The following EML4 variants were observed in gnomAD, a reference collection of about 807,000 sequenced individuals.
The protein encoded by EML4 is EMAP like 4, also known as echinoderm microtubule-associated protein-like 4.
In EML4, 72 loss-of-function variants were observed where a neutral mutation model predicts 129.0. The ratio of observed to expected loss-of-function variants is 0.56; its 90% confidence interval spans 0.46 to 0.68. The LOEUF is 0.68. Ranked by LOEUF, EML4 falls within the 30% of genes least tolerant of loss-of-function variation. The pLI, the probability that EML4 is intolerant of heterozygous loss-of-function variation, is 0.00. For synonymous variants in EML4, 532 were observed against 405.0 expected (o/e 1.31, Z -3.77); for missense variants, 1,363 against 1,190.6 (o/e 1.14, Z -2.13).
chr2:42,248,862 A>T (rs1675584727), intron 2 of EML4, among the ~76,000 whole-genome samples: 1 of 152,192 alleles, frequency 6.6e-6, no homozygotes. Context: ...TATTTCATAG[A>T]TGAGCATAAT....
At chr2:42,323,468 A>C (rs1262136542) in intron 19 of EML4, among the ~76,000 whole-genome samples, 1 of 152,224 alleles carries the variant, frequency 6.6e-6, no homozygotes, top group Non-Finnish European at 1.5e-5. Context: ...CATATAATTT[A>C]AATTGGTTTA....
chr2:42,320,248 G>A (rs116728567), intron 19 of EML4, among the ~76,000 whole-genome samples: 2,538 of 151,992 alleles, frequency 0.017, 33 homozygotes, highest in Non-Finnish European at 0.027. Flanking sequence ...CAGCACTTTG[G>A]GAGGCCAAGA....
intron 2 of EML4, among the ~76,000 whole-genome samples, chr2:42,249,042 A>C (rs1458459150): frequency 6.6e-6 from 1 of 152,174 alleles, no homozygotes; most frequent in African/African-American, 2.4e-5. Flanking sequence ...CGTTGAAAGC[A>C]ATTGGAATTT....
chr2:42,224,578 G>C (rs1332457269), intron 1 of EML4, among the ~76,000 whole-genome samples: 9 of 152,008 alleles, frequency 5.9e-5, no homozygotes, highest in Non-Finnish European at 1.5e-5. Flanking sequence ...TAGGAGTGGC[G>C]TTGCTGGATT....
chr2:42,171,115 T>C (rs1250050333), intron 1 of EML4, among the ~76,000 whole-genome samples: 1 of 152,238 alleles, frequency 6.6e-6, no homozygotes, highest in African/African-American at 2.4e-5. Context: ...AATTCCTTAC[T>C]TAGGTTGGGC....
rs1441922416 is a variant in EML4 at position 42,304,482 on chromosome 2, A to G, written c.1900-2A>G. The G allele has an allele frequency of 6.2e-7, 1 of 1,613,700 alleles. No individual in the cohort carries two copies. The highest frequency in any genetic ancestry group is 1.3e-5 in the African/African-American group (1 of 74,910). The stretch of plus-strand genomic sequence containing the variant: ...CCCAACAGCTGTCTGTCTCTTTTCT[A>G]GGAACCAGGACACTGTGCAGATTTT... On this transcript the variant is annotated splice_acceptor_variant, in intron 16 of 22. Coordinates refer to ENST00000318522, the MANE Select transcript of EML4 (RefSeq NM_019063.5). LOFTEE classifies it high-confidence loss of function.
At chr2:42,188,023 C>G (rs995322305) in intron 1 of EML4, among the ~76,000 whole-genome samples, 1 of 152,244 alleles carries the variant, frequency 6.6e-6, no homozygotes, top group Non-Finnish European at 1.5e-5. Context: ...GGTACAAAGT[C>G]AAGTTTCGTT....
Position 42,295,421 on chromosome 2 carries a change from T to TG in EML4, c.1398dup (p.Asn467GlufsTer30), listed in dbSNP as rs1667890437. The TG allele has an allele frequency of 6.2e-7, 1 of 1,614,030 alleles. No homozygotes were observed. The highest frequency in any genetic ancestry group is 8.5e-7 in the Non-Finnish European group (1 of 1,179,934). On this transcript the variant is annotated frameshift_variant, in exon 13 of 23. Coordinates refer to ENST00000318522, the MANE Select transcript of EML4 (RefSeq NM_019063.5). LOFTEE classifies it high-confidence loss of function. ...AAATTTGTGCAGTGTTTAGCATTCT[T>TG]GGGGAATGGAGATGTTCTTACTGGA...
chr2:42,321,278 G>A (rs1669506929), intron 19 of EML4, among the ~76,000 whole-genome samples: 1 of 152,092 alleles, frequency 6.6e-6, no homozygotes, highest in South Asian at 2.1e-4. Context: ...AGCTACTTGG[G>A]AGGCTGAGGC....
At chr2:42,180,209 A>C (rs146445460) in intron 1 of EML4, among the ~76,000 whole-genome samples, 426 of 152,304 alleles carry the variant, frequency 2.8e-3, no homozygotes, top group African/African-American at 8.9e-3. Context: ...CCTTGAGATA[A>C]AACTGCGGCT....
intron 10 of EML4, 30 bp downstream of exon 10, chr2:42,286,409 AGCTG>A (rs1373680574): frequency 1.5e-6 from 2 of 1,320,342 alleles, no homozygotes; most frequent in Admixed American, 1.7e-5. Context: ...GAAGTAAGCA[AGCTG>A]AACAAAAAAG....
Position 42,304,545 on chromosome 2 carries a change from C to A in EML4, c.1961C>A (p.Ser654Ter). 6.2e-7 allele frequency: 1 copy of A among 1,613,442 alleles called. No individual in the cohort carries two copies. Among genetic ancestry groups the A allele is most frequent in the Non-Finnish European group, 8.5e-7 (1 of 1,179,352 alleles). Residue 654 changes from serine to a stop codon, truncating the protein, a stop_gained, in exon 17 of 23, where the codon TCA (serine) becomes TAA (stop). Transcript: ENST00000318522. LOFTEE classifies it high-confidence loss of function. ...SGTVVAIGTH[S>*]GRWFVLDAET... is the part of the protein sequence containing the mutation. Reference sequence around the variant, plus strand: ...ACAGTGGTGGCCATAGGAACGCACTCAGGCAGGTAGGGTCTTTAAGTGAAC... The same window carrying A: ...ACAGTGGTGGCCATAGGAACGCACTAAGGCAGGTAGGGTCTTTAAGTGAAC...
intron 3 of EML4, among the ~76,000 whole-genome samples, chr2:42,260,500 T>C (rs1307246087): frequency 6.6e-6 from 1 of 152,088 alleles, no homozygotes; most frequent in Non-Finnish European, 1.5e-5. Context: ...TCACTCACAC[T>C]AAATTTAACA....
intron 21 of EML4, among the ~76,000 whole-genome samples, chr2:42,328,550 A>G (rs1385627322): frequency 6.6e-6 from 1 of 152,238 alleles, no homozygotes; most frequent in Non-Finnish European, 1.5e-5. Context: ...CCATCCAGAA[A>G]CTTTAAAAAG....
At chr2:42,294,571 C>A (rs1667840400) in intron 11 of EML4, among the ~76,000 whole-genome samples, 1 of 152,122 alleles carries the variant, frequency 6.6e-6, no homozygotes, top group African/African-American at 2.4e-5. Flanking sequence ...TGGTGGGCGC[C>A]TGTGGTCCCA....
intron 19 of EML4, among the ~76,000 whole-genome samples, chr2:42,323,608 C>T (rs988395585): frequency 2.0e-5 from 3 of 152,102 alleles, no homozygotes; most frequent in African/African-American, 7.2e-5. Flanking sequence ...TCATTAAAAA[C>T]TATCCCTAAG....
chr2:42,196,028 T>C (rs576314988), intron 1 of EML4, among the ~76,000 whole-genome samples: 1 of 152,248 alleles, frequency 6.6e-6, no homozygotes, highest in East Asian at 1.9e-4. Context: ...CAGACTTAGA[T>C]ATAGTATTTT....
chr2:42,208,296 A>G (rs975172238), intron 1 of EML4, among the ~76,000 whole-genome samples: 1 of 152,124 alleles, frequency 6.6e-6, no homozygotes, highest in Non-Finnish European at 1.5e-5. Flanking sequence ...TACATCATTT[A>G]GAACCAGATT....
intron 17 of EML4, among the ~76,000 whole-genome samples, chr2:42,315,276 C>T (rs185617016): frequency 7.6e-4 from 116 of 152,250 alleles, no homozygotes; most frequent in African/African-American, 2.7e-3. Flanking sequence ...TGTTATATTG[C>T]GTCACCATCA....
Sources: gnomAD v4.1 joint callset for allele counts (sites outside exome capture counted in the v4.1 genomes callset) on GRCh38, gnomAD v4.1.1 for gene constraint, MANE v1.5 for transcripts, NCBI Gene and HGNC (gene_info 2026-07-23, HGNC 2026-07-21) for gene names.